The following MGAT4C variants were observed in gnomAD, a reference collection of about 807,000 sequenced individuals.
MGAT4C encodes the protein alpha-1,3-mannosyl-glycoprotein 4-beta-N-acetylglucosaminyltransferase C.
In MGAT4C, 19 loss-of-function variants were observed where a neutral mutation model predicts 40.1. The observed-to-expected ratio is 0.47, with a 90% confidence interval of 0.33 to 0.70. MGAT4C has a LOEUF of 0.70. Among genes scored for constraint, MGAT4C ranks in the 30% least tolerant of loss-of-function variants. The pLI, the probability that MGAT4C is intolerant of heterozygous loss-of-function variation, is 0.02. For synonymous variants in MGAT4C, 181 were observed against 187.1 expected (o/e 0.97, Z 0.27); for missense variants, 491 against 563.2 (o/e 0.87, Z 1.30).
At chr12:86,165,450 AGTCT>A (rs1353138806) in intron 1 of MGAT4C, among the ~76,000 whole-genome samples, 7 of 152,240 alleles carry the variant, frequency 4.6e-5, no homozygotes, top group African/African-American at 1.7e-4. Context: ...TGAATATCAA[AGTCT>A]GTCTATGAGC....
chr12:86,624,268 A>G (rs572660180), intron 2 of MGAT4C, among the ~76,000 whole-genome samples: 3 of 152,288 alleles, frequency 2.0e-5, no homozygotes. Context: ...AAGGGAATCT[A>G]AAGTTGACAC....
At chr12:86,733,230 C>A (rs1276138393) in intron 1 of MGAT4C, among the ~76,000 whole-genome samples, 1 of 151,914 alleles carries the variant, frequency 6.6e-6, no homozygotes, top group Non-Finnish European at 1.5e-5. Context: ...TTGACAGAAC[C>A]CACAGAACAG....
intron 2 of MGAT4C, among the ~76,000 whole-genome samples, chr12:86,639,805 G>C (rs992984690): frequency 2.8e-4 from 42 of 151,526 alleles, no homozygotes; most frequent in Middle Eastern, 3.2e-3. Flanking sequence ...GTTTTGATTG[G>C]AATCAACAAC....
chr12:86,653,217 T>C (rs1445506872), intron 2 of MGAT4C, among the ~76,000 whole-genome samples: 2 of 151,850 alleles, frequency 1.3e-5, no homozygotes, highest in African/African-American at 4.8e-5. Context: ...AATACAGAAG[T>C]TTATTTCTCT....
intron 2 of MGAT4C, among the ~76,000 whole-genome samples, chr12:86,496,243 C>T (rs1399531046): frequency 6.6e-6 from 1 of 151,864 alleles, no homozygotes; most frequent in African/African-American, 2.4e-5. Flanking sequence ...TTGCGGACAA[C>T]CACATGAGCA....
At chr12:86,218,438 GCT>G (rs1950753989) in intron 1 of MGAT4C, among the ~76,000 whole-genome samples, 1 of 152,040 alleles carries the variant, frequency 6.6e-6, no homozygotes, top group Non-Finnish European at 1.5e-5. Context: ...ACCTCAAAAG[GCT>G]CTCTCTCCTT....
At chr12:86,587,381 T>G (rs1000705578) in intron 2 of MGAT4C, among the ~76,000 whole-genome samples, 4 of 152,108 alleles carry the variant, frequency 2.6e-5, no homozygotes, top group Non-Finnish European at 4.4e-5. Flanking sequence ...TGAAGTCAGG[T>G]AGTGTGATGC....
chr12:86,536,181 C>T (rs1959064986), intron 2 of MGAT4C, among the ~76,000 whole-genome samples: 1 of 152,058 alleles, frequency 6.6e-6, no homozygotes, highest in Non-Finnish European at 1.5e-5. Context: ...ATAACCTCAT[C>T]ACTGTCTTCC....
intron 2 of MGAT4C, among the ~76,000 whole-genome samples, chr12:86,632,094 AG>A: frequency 6.6e-6 from 1 of 152,206 alleles, no homozygotes; most frequent in Admixed American, 6.5e-5. Context: ...AAGTGGGCAA[AG>A]GATATGAACA....
At chr12:86,545,976 A>G (rs1336306493) in intron 2 of MGAT4C, among the ~76,000 whole-genome samples, 2 of 152,016 alleles carry the variant, frequency 1.3e-5, no homozygotes, top group Admixed American at 6.5e-5. Flanking sequence ...TTATCATGAT[A>G]TAAAATTACC....
intron 1 of MGAT4C, among the ~76,000 whole-genome samples, chr12:86,822,010 G>A (rs758417142): frequency 1.3e-4 from 19 of 150,886 alleles, no homozygotes; most frequent in Non-Finnish European, 1.9e-4. Context: ...TATGTTTAAA[G>A]ACACAATACG....
intron 2 of MGAT4C, among the ~76,000 whole-genome samples, chr12:86,701,112 T>C (rs1783239162): frequency 2.0e-5 from 3 of 152,284 alleles, no homozygotes; most frequent in South Asian, 4.1e-4. Context: ...TTGAGAATCA[T>C]GGAAATATTA....
chr12:86,270,989 T>C (rs533772433), intron 4 of MGAT4C, among the ~76,000 whole-genome samples: 1 of 152,294 alleles, frequency 6.6e-6, no homozygotes, highest in South Asian at 2.1e-4. Flanking sequence ...ACTGGAATTC[T>C]ATCTTCCACA....
chr12:86,291,787 C>A (rs1241568370), intron 4 of MGAT4C, among the ~76,000 whole-genome samples: 7 of 149,544 alleles, frequency 4.7e-5, no homozygotes, highest in African/African-American at 1.7e-4. Context: ...CTAATAACTG[C>A]AATTAGCCAA....
At chr12:86,295,463 C>T (rs1953641861) in intron 4 of MGAT4C, among the ~76,000 whole-genome samples, 1 of 152,092 alleles carries the variant, frequency 6.6e-6, no homozygotes. Flanking sequence ...AGGAGTGAAG[C>T]TGCAGATTTT....
chr12:86,513,214 T>C (rs1195136859), intron 2 of MGAT4C, among the ~76,000 whole-genome samples: 3 of 152,164 alleles, frequency 2.0e-5, no homozygotes, highest in Non-Finnish European at 4.4e-5. Context: ...TCATGAGATA[T>C]TCATTTAAAA....
At chr12:86,234,246 T>C (rs1206367975) in intron 1 of MGAT4C, among the ~76,000 whole-genome samples, 3 of 152,122 alleles carry the variant, frequency 2.0e-5, no homozygotes, top group Non-Finnish European at 4.4e-5. Context: ...TTTGAAATAG[T>C]GATAGAACAT....
intron 1 of MGAT4C, among the ~76,000 whole-genome samples, chr12:86,177,053 A>T (rs979578248): frequency 1.3e-5 from 2 of 151,700 alleles, no homozygotes; most frequent in African/African-American, 4.8e-5. Flanking sequence ...TCTTCTCCCT[A>T]TGTGCTTTGG....
In MGAT4C at chr12:86,603,531, ATAGTCT is replaced by A. The variant is rs1565878006; in HGVS notation, c.-229+123672_-229+123677del. Among the ~76,000 whole-genome samples, 7 of 111,882 alleles carry A rather than the reference ATAGTCT, an allele frequency of 6.3e-5. 1 individual carries two copies. Among genetic ancestry groups the A allele is most frequent in the African/African-American group, 2.7e-4 (7 of 26,216 alleles). 73.4% of individuals were successfully genotyped at this position (111,882 alleles called of 152,430 possible). The stretch of plus-strand genomic sequence containing the variant: ...ATAGTCTATAGTCTATAGACTATAT[ATAGTCT>A]ATAGACTATAGATAATATATAGTCT... On this transcript the variant is annotated intron_variant, in intron 2 of 7. Coordinates refer to the MGAT4C transcript ENST00000548651.
Sources: gnomAD v4.1 joint callset for allele counts (sites outside exome capture counted in the v4.1 genomes callset) on GRCh38, gnomAD v4.1.1 for gene constraint, MANE v1.5 for transcripts, NCBI Gene and HGNC (gene_info 2026-07-23, HGNC 2026-07-21) for gene names.